KCTD1: variants seen among roughly 807,000 people sequenced by gnomAD.
The protein encoded by KCTD1 is potassium channel tetramerization domain containing 1.
A neutral mutation model predicts 66.0 loss-of-function variants in KCTD1; 24 were observed. The observed-to-expected ratio is 0.36, with a 90% CI of 0.26 to 0.51. The LOEUF is 0.51. Among genes scored for constraint, KCTD1 ranks in the 20% least tolerant of loss-of-function variants. The probability of loss-of-function intolerance (pLI) is 0.95; values close to 1 mark genes in which losing one functional copy is unlikely to be tolerated. For synonymous variants in KCTD1, 511 were observed against 517.2 expected (o/e 0.99, Z 0.16); for missense variants, 943 against 1,205.2 (o/e 0.78, Z 3.22).
chr18:26,602,972 C>T (rs1471148895), intron 1 of KCTD1, among the ~76,000 whole-genome samples: 1 of 152,186 alleles, frequency 6.6e-6, no homozygotes, highest in African/African-American at 2.4e-5. Flanking sequence ...TAAGGCCACA[C>T]ATCTACAACC....
At chr18:26,611,124 G>A (rs952660618) in intron 1 of KCTD1, among the ~76,000 whole-genome samples, 2 of 152,058 alleles carry the variant, frequency 1.3e-5, no homozygotes, top group Non-Finnish European at 2.9e-5. Context: ...CATCTCACTG[G>A]TGCTTTTCTC....
At position 26,562,402 on chromosome 18, in the gene KCTD1, T is replaced by G. The variant is rs1194160717; in HGVS notation, c.-15-61152A>C. Among the ~76,000 whole-genome samples the G allele has an allele frequency of 5.5e-5, 8 of 145,308 alleles. 1 individual carries two copies. The South Asian group carries it at 1.9e-3, about 35-fold the overall frequency. On this transcript the variant is annotated intron_variant, in intron 1 of 4. Transcript: ENST00000317932. ...ACACATCACCATGCTCGGCTAATTT[T>G]TATTTTTTGTGTGTGAAGCCCGGTG...
At chr18:26,586,721 T>C (rs547563109) in intron 1 of KCTD1, among the ~76,000 whole-genome samples, 1 of 152,348 alleles carries the variant, frequency 6.6e-6, no homozygotes, top group East Asian at 1.9e-4. Context: ...ATTGCTGATA[T>C]GGAGAAAGTT....
intron 1 of KCTD1, among the ~76,000 whole-genome samples, chr18:26,614,652 T>C (rs755612424): frequency 1.3e-5 from 2 of 152,322 alleles, no homozygotes; most frequent in Non-Finnish European, 2.9e-5. Context: ...GGCCTGATCT[T>C]GGAAGGCTTT....
At chr18:26,462,950 G>A (rs1185116437) in intron 3 of KCTD1, among the ~76,000 whole-genome samples, 2 of 152,132 alleles carry the variant, frequency 1.3e-5, no homozygotes, top group African/African-American at 4.8e-5. Flanking sequence ...TCGAGATGAT[G>A]GGTCTCTTGT....
intron 1 of KCTD1, among the ~76,000 whole-genome samples, chr18:26,576,868 A>G (rs909743794): frequency 2.0e-5 from 3 of 152,236 alleles, no homozygotes; most frequent in Non-Finnish European, 4.4e-5. Context: ...AAAAAAATTG[A>G]ACAGTGCAGA....
intron 1 of KCTD1, among the ~76,000 whole-genome samples, chr18:26,612,106 C>T (rs1403977512): frequency 6.6e-6 from 1 of 152,156 alleles, no homozygotes; most frequent in African/African-American, 2.4e-5. Context: ...AATCTTTCCC[C>T]TGACTTGGAT....
chr18:26,585,407 G>A (rs564116433), intron 1 of KCTD1, among the ~76,000 whole-genome samples: 90 of 152,316 alleles, frequency 5.9e-4, no homozygotes, highest in Non-Finnish European at 1.2e-3. Context: ...AGAGTCAGAA[G>A]TTTTTGTTCA....
At chr18:26,484,421 T>C (rs1166634997) in intron 2 of KCTD1, among the ~76,000 whole-genome samples, 6 of 152,050 alleles carry the variant, frequency 3.9e-5, no homozygotes, top group Non-Finnish European at 8.8e-5. Context: ...AAGTTTGAAA[T>C]ATAAGAAAAA....
upstream of KCTD1, among the ~76,000 whole-genome samples, chr18:26,640,982 TAGGAAC>T (rs1987822189): frequency 6.6e-6 from 1 of 152,104 alleles, no homozygotes; most frequent in Non-Finnish European, 1.5e-5. Flanking sequence ...GCAGGGTGGA[TAGGAAC>T]AGGAAAGGGG....
chr18:26,582,574 C>T (rs1986379723), intron 1 of KCTD1, among the ~76,000 whole-genome samples: 4 of 152,080 alleles, frequency 2.6e-5, no homozygotes, highest in South Asian at 2.1e-4. Context: ...TATTCACGTT[C>T]GAAATGACAC....
rs1980559865 is a variant in KCTD1, at chr18:26,463,586, G to T, written c.2134-3661C>A. Among the ~76,000 whole-genome samples, 5 of 152,048 alleles carry T rather than the reference G, an allele frequency of 3.3e-5. No homozygotes were observed. The South Asian group carries it at 1.0e-3, about 32-fold the overall frequency. ...AGTTTCGCTCTTGTCATCCAGGCTG[G>T]AGTACAGTGTTGTGATCTCAGCTCA... is the stretch of plus-strand genomic sequence containing the variant. On this transcript the variant is annotated intron_variant, in intron 3 of 4. Transcript: ENST00000580059.
In KCTD1 at chr18:26,487,335, A is replaced by C. The variant is rs887107459; in HGVS notation, c.1989-10676T>G. Among the ~76,000 whole-genome samples, 31 of 152,348 alleles carry C rather than the reference A, an allele frequency of 2.0e-4. 1 individual carries two copies. The highest frequency in any genetic ancestry group is 1.3e-3 in the Admixed American group (20 of 15,302). On this transcript the variant is annotated intron_variant, in intron 2 of 4. Transcript: ENST00000580059. ...TCTTGAAAAGGAGGACAGAAAGCTG[A>C]AAATTGGACAAGAATCCTAATATAC...
At chr18:26,481,874 C>T (rs1981667755) in intron 2 of KCTD1, among the ~76,000 whole-genome samples, 1 of 152,012 alleles carries the variant, frequency 6.6e-6, no homozygotes, top group African/African-American at 2.4e-5. Context: ...TTAAAAAAAA[C>T]TCTCCAAGTC....
At chr18:26,513,584 T>C (rs1250741870) in intron 1 of KCTD1, among the ~76,000 whole-genome samples, 1 of 152,240 alleles carries the variant, frequency 6.6e-6, no homozygotes, top group African/African-American at 2.4e-5. Context: ...GACGAAGTTT[T>C]AGCCTAAGCC....
chr18:26,504,048 T>C (rs191404052), intron 1 of KCTD1, among the ~76,000 whole-genome samples: 1 of 152,286 alleles, frequency 6.6e-6, no homozygotes, highest in East Asian at 1.9e-4. Flanking sequence ...ACTTGGTATT[T>C]TCCATATGGG....
chr18:26,519,126 G>A (rs1983798589), intron 1 of KCTD1, among the ~76,000 whole-genome samples: 1 of 152,016 alleles, frequency 6.6e-6, no homozygotes, highest in Admixed American at 6.6e-5. Context: ...ATTAAGACAT[G>A]GTAAAAGAAA....
upstream of KCTD1, among the ~76,000 whole-genome samples, chr18:26,551,072 C>T (rs1443004533): frequency 6.6e-6 from 1 of 152,176 alleles, no homozygotes; most frequent in Non-Finnish European, 1.5e-5. Flanking sequence ...CCTCTGCGGG[C>T]GGCGGGGTCC....
chr18:26,466,949 G>A (rs1980766151), intron 3 of KCTD1, among the ~76,000 whole-genome samples: 1 of 152,186 alleles, frequency 6.6e-6, no homozygotes, highest in Non-Finnish European at 1.5e-5. Flanking sequence ...TCTCCAGCAA[G>A]TTGTAAAGGG....
Sources: gnomAD v4.1 joint callset for allele counts (sites outside exome capture counted in the v4.1 genomes callset) on GRCh38, gnomAD v4.1.1 for gene constraint, MANE v1.5 for transcripts, NCBI Gene and HGNC (gene_info 2026-07-23, HGNC 2026-07-21) for gene names.